Variants in CHKA observed in about 807,000 individuals in gnomAD.
CHKA encodes choline kinase alpha, also known as CHETK-alpha.
Under a neutral mutation model 60.1 loss-of-function variants are expected in CHKA, and 34 were observed. The observed-to-expected ratio is 0.57, with a 90% CI of 0.43 to 0.75. The LOEUF is 0.75. CHKA is among the 30% of genes least tolerant of loss of function. CHKA has a pLI of 0.00. For synonymous variants in CHKA, 217 were observed against 223.1 expected (o/e 0.97, Z 0.24); for missense variants, 563 against 561.3 (o/e 1.00, Z -0.03).
At chr11:68,074,204 A>C (rs1856712178) in intron 4 of CHKA, among the ~76,000 whole-genome samples, 1 of 152,230 alleles carries the variant, frequency 6.6e-6, no homozygotes, top group South Asian at 2.1e-4. Context: ...CTTAGAAATA[A>C]GACTGCAAGG....
Position 68,074,905 on chromosome 11 carries a change from G to C in CHKA, c.517-75C>G. The C allele has an allele frequency of 1.2e-5, 16 of 1,300,566 alleles. No individual in the cohort carries two copies. In the South Asian group the frequency reaches 1.9e-4, roughly 16 times the overall value. The allele number at this position is 1,300,566 out of a possible 1,614,324, so 80.6% of individuals were successfully genotyped here. On this transcript the variant is annotated intron_variant, in intron 3 of 11. Transcript: ENST00000265689. ...CCAGGCATCAGAAGCACTCTCACAGGAGTGTTTCATCTGATCCTCATGAGT... is the reference window on the plus strand; with the variant it reads ...CCAGGCATCAGAAGCACTCTCACAGCAGTGTTTCATCTGATCCTCATGAGT...
At chr11:68,095,625 C>T (rs965412749) in intron 2 of CHKA, among the ~76,000 whole-genome samples, 11 of 134,250 alleles carry the variant, frequency 8.2e-5, no homozygotes, top group South Asian at 2.4e-4. Context: ...AGGAGAATGG[C>T]GTGAACCCGG....
At chr11:68,120,164 G>C (rs1468463363) in intron 1 of CHKA, among the ~76,000 whole-genome samples, 1 of 151,578 alleles carries the variant, frequency 6.6e-6, no homozygotes, top group African/African-American at 2.4e-5. Context: ...GGGAGGCCGT[G>C]GTTGCAGTGA....
Position 68,074,719 on chromosome 11 carries a change from G to C in CHKA, c.628C>G (p.Pro210Ala). ...FPQGRLEQFI[P>A]SRRLDTEELS... Reference sequence around the variant, plus strand: ...AAGCGTTTATGAACAAATCTTACCGGGATGAACTGCTCCAGTCGGCCTTGG... The same window carrying C: ...AAGCGTTTATGAACAAATCTTACCGCGATGAACTGCTCCAGTCGGCCTTGG... The change falls in exon 4 of 12, where the codon CCG becomes GCG. Residue 210 changes from proline to alanine, a missense_variant and splice_region_variant. By Grantham distance (27) the Pro-to-Ala change is conservative (BLOSUM62 -1). Transcript: ENST00000265689. 6.2e-7 allele frequency: 1 copy of C among 1,614,030 alleles called. No homozygotes were observed. The highest frequency in any genetic ancestry group is 1.1e-5 in the South Asian group (1 of 91,088).
At chr11:68,113,879 A>T (rs553464066) in intron 1 of CHKA, among the ~76,000 whole-genome samples, 1 of 151,484 alleles carries the variant, frequency 6.6e-6, no homozygotes, top group East Asian at 2.0e-4. Flanking sequence ...TAATCTCAAG[A>T]ACTCAGGAGG....
intron 1 of CHKA, among the ~76,000 whole-genome samples, chr11:68,107,498 C>G (rs1857956553): frequency 6.6e-6 from 1 of 152,030 alleles, no homozygotes. Flanking sequence ...CCCACTCACC[C>G]AGGCTCAAAA....
intron 11 of CHKA, among the ~76,000 whole-genome samples, chr11:68,058,859 T>C (rs1856119780): frequency 6.6e-6 from 1 of 152,170 alleles, no homozygotes; most frequent in Non-Finnish European, 1.5e-5. Flanking sequence ...AAGGGGACAT[T>C]TTCCCTGTTA....
At chr11:68,095,818 G>A (rs570662048) in intron 2 of CHKA, among the ~76,000 whole-genome samples, 222 of 150,698 alleles carry the variant, frequency 1.5e-3, no homozygotes, top group African/African-American at 5.0e-3. Context: ...GAGGCGGGCA[G>A]ATCACCTGAG....
intron 1 of CHKA, among the ~76,000 whole-genome samples, chr11:68,102,405 C>T (rs143593932): frequency 6.4e-4 from 97 of 152,330 alleles, no homozygotes; most frequent in Middle Eastern, 3.4e-3. Flanking sequence ...TTAATCCACA[C>T]TTACAGCTAC....
intron 5 of CHKA, among the ~76,000 whole-genome samples, chr11:68,070,504 G>A (rs756429679): frequency 2.8e-4 from 43 of 152,056 alleles, no homozygotes; most frequent in Non-Finnish European, 4.9e-4. Context: ...CCCTTCACCC[G>A]TTCAATAGCA....
intron 1 of CHKA, among the ~76,000 whole-genome samples, chr11:68,114,699 GAA>G (rs544983763): frequency 7.6e-6 from 1 of 131,088 alleles, no homozygotes; most frequent in African/African-American, 2.8e-5. Context: ...TCTGTCTCGG[GAA>G]AAAAAAAAAA....
At chr11:68,067,915 A>T (rs754114231) in intron 7 of CHKA, among the ~76,000 whole-genome samples, 1 of 152,226 alleles carries the variant, frequency 6.6e-6, no homozygotes, top group Non-Finnish European at 1.5e-5. Context: ...GATTAAAAGC[A>T]AACTGCTGAG....
chr11:68,077,734 T>C (rs1856840322), intron 3 of CHKA, among the ~76,000 whole-genome samples: 1 of 152,086 alleles, frequency 6.6e-6, no homozygotes, highest in South Asian at 2.1e-4. Flanking sequence ...CACGCAGCTA[T>C]GGACTGGGCT....
At chr11:68,086,678 A>G (rs556550884) in intron 2 of CHKA, among the ~76,000 whole-genome samples, 1 of 152,296 alleles carries the variant, frequency 6.6e-6, no homozygotes, top group African/African-American at 2.4e-5. Context: ...TCATTAAGTC[A>G]CATATAGTTA....
intron 1 of CHKA, among the ~76,000 whole-genome samples, chr11:68,113,908 T>C (rs1009207946): frequency 1.2e-4 from 18 of 151,796 alleles, no homozygotes; most frequent in African/African-American, 3.6e-4. Context: ...GGAGAATCGC[T>C]TGAACCCAGG....
At chr11:68,069,190 C>T (rs1441073769) in intron 6 of CHKA, among the ~76,000 whole-genome samples, 4 of 152,152 alleles carry the variant, frequency 2.6e-5, no homozygotes, top group Non-Finnish European at 5.9e-5. Flanking sequence ...CTGCTGGTCT[C>T]GGCTTGTATA....
intron 4 of CHKA, among the ~76,000 whole-genome samples, chr11:68,072,840 T>G (rs967322612): frequency 1.3e-5 from 2 of 151,726 alleles, no homozygotes. Context: ...AAAAAAAAAT[T>G]TTTAATAAGC....
chr11:68,068,188 C>G (rs368302007), intron 7 of CHKA, among the ~76,000 whole-genome samples: 4 of 152,094 alleles, frequency 2.6e-5, no homozygotes, highest in Admixed American at 6.5e-5. Flanking sequence ...TAGGATTACA[C>G]GTGTTGCGAT....
At chr11:68,097,245 C>A in intron 1 of CHKA, 115 bp from the exon 2 acceptor site, 1 of 620,174 alleles carries the variant, frequency 1.6e-6, no homozygotes, top group East Asian at 3.1e-5. Context: ...CATCTTATCT[C>A]GATTTATTCT....
Sources: gnomAD v4.1 joint callset for allele counts (sites outside exome capture counted in the v4.1 genomes callset) on GRCh38, gnomAD v4.1.1 for gene constraint, MANE v1.5 for transcripts, NCBI Gene and HGNC (gene_info 2026-07-23, HGNC 2026-07-21) for gene names.